STK39: variants seen among roughly 807,000 people sequenced by gnomAD.
STK39 encodes the protein STE20/SPS1-related proline-alanine-rich protein kinase.
In STK39, 20 loss-of-function variants were observed where a neutral mutation model predicts 77.8. The observed-to-expected ratio is 0.26, with a 90% CI of 0.18 to 0.37. The LOEUF (loss-of-function observed/expected upper bound fraction) is 0.37. Ranked by LOEUF, STK39 falls within the 10% of genes least tolerant of loss-of-function variation. STK39 has a pLI of 1.00. For missense variants in STK39, 479 were observed against 656.5 expected (o/e 0.73, Z 2.95); for synonymous variants, 246 against 234.1 (o/e 1.05, Z -0.47).
intron 14 of STK39, among the ~76,000 whole-genome samples, chr2:168,057,398 G>A (rs1685552855): frequency 6.6e-6 from 1 of 152,154 alleles, no homozygotes; most frequent in African/African-American, 2.4e-5. Flanking sequence ...TCACCATGTT[G>A]GCCAGGCTGA....
At chr2:168,211,411 G>T (rs1327023785) in intron 1 of STK39, among the ~76,000 whole-genome samples, 1 of 152,186 alleles carries the variant, frequency 6.6e-6, no homozygotes, top group Non-Finnish European at 1.5e-5. Context: ...CACCACATAT[G>T]TGCACCTGTT....
chr2:168,028,628 C>T (rs1010641937), intron 14 of STK39, among the ~76,000 whole-genome samples: 1 of 152,192 alleles, frequency 6.6e-6, no homozygotes, highest in Non-Finnish European at 1.5e-5. Flanking sequence ...GTTAATCATG[C>T]TCACTATGTA....
intron 14 of STK39, among the ~76,000 whole-genome samples, chr2:168,028,542 C>A (rs1453917640): frequency 6.6e-6 from 1 of 152,192 alleles, no homozygotes; most frequent in Admixed American, 6.5e-5. Flanking sequence ...AAATACCAGA[C>A]TCATGTTAAT....
At chr2:168,208,392 C>A (rs1689795526) in intron 1 of STK39, among the ~76,000 whole-genome samples, 1 of 152,168 alleles carries the variant, frequency 6.6e-6, no homozygotes, top group Non-Finnish European at 1.5e-5. Flanking sequence ...CAGAAACTTT[C>A]TGACTTTTCT....
chr2:168,004,665 G>A (rs1410113150), intron 16 of STK39, among the ~76,000 whole-genome samples: 1 of 150,824 alleles, frequency 6.6e-6, no homozygotes, highest in African/African-American at 2.4e-5. Flanking sequence ...CCTGGGAGGT[G>A]GAGCTTGCAG....
At chr2:168,035,334 T>C (rs1684924528) in intron 14 of STK39, among the ~76,000 whole-genome samples, 1 of 152,204 alleles carries the variant, frequency 6.6e-6, no homozygotes, top group African/African-American at 2.4e-5. Context: ...TAAAAACAAA[T>C]ATATAGCTAC....
chr2:168,132,911 G>A (rs2105513392), intron 8 of STK39, among the ~76,000 whole-genome samples: 1 of 152,290 alleles, frequency 6.6e-6, no homozygotes, highest in South Asian at 2.1e-4. Flanking sequence ...AAGTGATGCT[G>A]CTACACATTT....
At chr2:168,119,949 T>C (rs1057330034) in intron 10 of STK39, among the ~76,000 whole-genome samples, 1 of 152,314 alleles carries the variant, frequency 6.6e-6, no homozygotes, top group South Asian at 2.1e-4. Context: ...GACATGATGA[T>C]GCAGTTGGCC....
chr2:168,161,738 G>T (rs1688578020), intron 5 of STK39, 49 bp downstream of exon 5: 1 of 1,349,500 alleles, frequency 7.4e-7, no homozygotes. Context: ...CCTTGAAACT[G>T]TAACACTTCC....
At chr2:168,130,925 A>T (rs1403134233) in intron 8 of STK39, among the ~76,000 whole-genome samples, 1 of 152,232 alleles carries the variant, frequency 6.6e-6, no homozygotes, top group African/African-American at 2.4e-5. Context: ...ACAAAACATT[A>T]AAACCAAATG....
At chr2:168,212,594 G>A (rs1689917982) in intron 1 of STK39, among the ~76,000 whole-genome samples, 1 of 152,200 alleles carries the variant, frequency 6.6e-6, no homozygotes, top group South Asian at 2.1e-4. Context: ...AAGTTGCAAA[G>A]AAGAACTCAT....
chr2:167,992,557 T>C (rs1683728975), intron 16 of STK39, among the ~76,000 whole-genome samples: 1 of 152,180 alleles, frequency 6.6e-6, no homozygotes, highest in South Asian at 2.1e-4. Flanking sequence ...AAGAATTCCA[T>C]AGGCAAAGAG....
intron 1 of STK39, among the ~76,000 whole-genome samples, chr2:168,184,198 A>T (rs114463960): frequency 0.011 from 1,694 of 152,340 alleles, 17 homozygotes; most frequent in Non-Finnish European, 0.017. Flanking sequence ...TTGACAGTAA[A>T]AGTCTCCTAA....
intron 5 of STK39, among the ~76,000 whole-genome samples, chr2:168,142,463 AATTG>A (rs1688007259): frequency 6.6e-6 from 1 of 152,130 alleles, no homozygotes; most frequent in African/African-American, 2.4e-5. Flanking sequence ...TTTAAGGAAA[AATTG>A]ATTATTTTAA....
intron 15 of STK39, among the ~76,000 whole-genome samples, chr2:168,015,739 T>C (rs760198874): frequency 2.0e-5 from 3 of 152,210 alleles, no homozygotes; most frequent in African/African-American, 7.2e-5. Flanking sequence ...CTTGCTGTAA[T>C]TGAAGCATTT....
intron 5 of STK39, among the ~76,000 whole-genome samples, chr2:168,152,132 C>A (rs1313993819): frequency 1.3e-5 from 2 of 152,202 alleles, no homozygotes; most frequent in Non-Finnish European, 2.9e-5. Flanking sequence ...CAAGAGACAG[C>A]TTTTTCAAGA....
At chr2:168,151,571 C>T (rs1688285178) in intron 5 of STK39, among the ~76,000 whole-genome samples, 1 of 151,900 alleles carries the variant, frequency 6.6e-6, no homozygotes, top group South Asian at 2.1e-4. Flanking sequence ...CCCATCTCTA[C>T]TAAAAACACA....
At chr2:167,967,350 G>A (rs1458555443) in intron 16 of STK39, among the ~76,000 whole-genome samples, 1 of 152,124 alleles carries the variant, frequency 6.6e-6, no homozygotes, top group Non-Finnish European at 1.5e-5. Flanking sequence ...GAGGCCCCCA[G>A]GGACTGTGGC....
At chr2:168,074,873 T>C in intron 12 of STK39, 109 bp downstream of exon 12, 1 of 1,326,884 alleles carries the variant, frequency 7.5e-7, no homozygotes, top group East Asian at 2.5e-5. Flanking sequence ...CCTTTCCTTT[T>C]TCTTTCTACT....
Sources: allele counts gnomAD v4.1 joint callset (sites outside exome capture counted in the v4.1 genomes callset), GRCh38; gene constraint gnomAD v4.1.1; transcripts MANE v1.5; gene names NCBI Gene and HGNC (gene_info 2026-07-23, HGNC 2026-07-21).